Variants in TRDN observed in about 807,000 individuals in gnomAD.
TRDN encodes triadin, also known as triadin in skeletal muscle.
Under a neutral mutation model 149.7 loss-of-function variants are expected in TRDN, and 161 were observed. That is an observed-to-expected ratio of 1.08 (90% CI 0.95 to 1.23). The LOEUF is 1.23. Ranked by LOEUF, TRDN falls within the 50% of genes most tolerant of loss-of-function variation. TRDN has a pLI of 0.00. For missense variants in TRDN, 896 were observed against 823.5 expected (o/e 1.09, Z -1.08); for synonymous variants, 294 against 250.5 (o/e 1.17, Z -1.64).
intron 5 of TRDN, among the ~76,000 whole-genome samples, chr6:123,526,298 A>T (rs766808049): frequency 4.6e-5 from 7 of 152,004 alleles, no homozygotes; most frequent in Non-Finnish European, 8.8e-5. Context: ...CTAGGAACTG[A>T]TAGATATGTA....
chr6:123,579,168 C>T (rs1313677352), intron 1 of TRDN, among the ~76,000 whole-genome samples: 1 of 151,972 alleles, frequency 6.6e-6, no homozygotes, highest in Non-Finnish European at 1.5e-5. Flanking sequence ...ACAGGATTAC[C>T]AATACTATGT....
At chr6:123,488,573 G>A (rs1212355264) in intron 9 of TRDN, among the ~76,000 whole-genome samples, 2 of 152,010 alleles carry the variant, frequency 1.3e-5, no homozygotes, top group African/African-American at 4.8e-5. Flanking sequence ...CTATCTCTGT[G>A]ATAGCTCTAA....
intron 16 of TRDN, among the ~76,000 whole-genome samples, chr6:123,379,077 T>A (rs1781618831): frequency 6.6e-6 from 1 of 152,190 alleles, no homozygotes; most frequent in African/African-American, 2.4e-5. Context: ...TACCCACATT[T>A]TTATCTGATA....
Position 123,528,313 on chromosome 6 carries a change from G to A in TRDN, c.484+2193C>T, listed in dbSNP as rs147537395. ...TTCTTGATGGGTCAATTATATAGGTGTAGACTCCCAAGGCTCTCCCGATGA... is the reference window on the plus strand; with the variant it reads ...TTCTTGATGGGTCAATTATATAGGTATAGACTCCCAAGGCTCTCCCGATGA... On this transcript the variant is annotated intron_variant, in intron 5 of 40. Coordinates refer to ENST00000334268, the MANE Select transcript of TRDN (RefSeq NM_006073.4). Among the ~76,000 whole-genome samples the A allele has an allele frequency of 6.6e-4, 100 of 150,576 alleles. 1 individual carries two copies. The highest frequency in any genetic ancestry group is 3.9e-3 in the East Asian group (20 of 5,136).
At chr6:123,598,713 G>A (rs1322029206) in intron 1 of TRDN, among the ~76,000 whole-genome samples, 1 of 152,014 alleles carries the variant, frequency 6.6e-6, no homozygotes, top group Non-Finnish European at 1.5e-5. Context: ...TGGCAGAGTT[G>A]AGCAAGAGTG....
rs568062008 is a variant in TRDN, at chr6:123,585,014, C to T, written c.23-13882G>A. ...AAGTGATAACAGGCTTTAATCCTTT[C>T]AAAGCATGCTGTGGGATGGGATATT... On this transcript the variant is annotated intron_variant, in intron 1 of 40. Transcript: ENST00000334268. Among the ~76,000 whole-genome samples the T allele has an allele frequency of 7.3e-3, 1,113 of 151,676 alleles. 10 individuals are homozygous for T. Among genetic ancestry groups the T allele is most frequent in the African/African-American group, 0.025 (1,047 of 41,112 alleles).
chr6:123,255,771 G>A, intron 36 of TRDN, 96 bp downstream of exon 36: 6 of 780,980 alleles, frequency 7.7e-6, no homozygotes, highest in Non-Finnish European at 9.2e-6. Context: ...CATACATTTA[G>A]AAAAGTTTTT....
At chr6:123,464,502 C>G in intron 10 of TRDN, 1 of 996,158 alleles carries the variant, frequency 1.0e-6, no homozygotes, top group Non-Finnish European at 1.2e-6. Flanking sequence ...AAATAACTTT[C>G]CAAATTTACA....
At chr6:123,419,172 C>T (rs549376228) in intron 12 of TRDN, among the ~76,000 whole-genome samples, 22 of 151,922 alleles carry the variant, frequency 1.4e-4, no homozygotes, top group East Asian at 1.9e-4. Flanking sequence ...GGTGGATCCC[C>T]GCACTGTTAA....
chr6:123,350,185 T>C (rs937174691), intron 21 of TRDN: 3 of 970,384 alleles, frequency 3.1e-6, no homozygotes, highest in Non-Finnish European at 3.7e-6. Context: ...AAAATATTTT[T>C]GTCGTGTTTC....
chr6:123,256,552 G>T (rs1228183491), intron 35 of TRDN, among the ~76,000 whole-genome samples: 1 of 152,036 alleles, frequency 6.6e-6, no homozygotes, highest in Non-Finnish European at 1.5e-5. Context: ...TATCTCAGTG[G>T]TTTTGATTTG....
chr6:123,552,047 A>G (rs1169849252), intron 2 of TRDN, among the ~76,000 whole-genome samples: 3 of 152,160 alleles, frequency 2.0e-5, no homozygotes, highest in Non-Finnish European at 4.4e-5. Context: ...GTCCACGATG[A>G]CATTGCTAAG....
intron 8 of TRDN, chr6:123,501,868 A>G (rs1215371411): frequency 1.1e-6 from 1 of 951,474 alleles, no homozygotes; most frequent in Non-Finnish European, 1.3e-6. Flanking sequence ...CTGATTACTG[A>G]TAGAAATGAA....
intron 9 of TRDN, among the ~76,000 whole-genome samples, chr6:123,491,281 G>A (rs1160666502): frequency 1.3e-5 from 2 of 152,064 alleles, no homozygotes; most frequent in Non-Finnish European, 1.5e-5. Context: ...AACCAGAAGT[G>A]ATAATATATA....
chr6:123,377,959 A>G (rs1781573262), intron 16 of TRDN, 61 bp from the exon 17 acceptor site: 2 of 1,227,988 alleles, frequency 1.6e-6, no homozygotes, highest in Admixed American at 5.1e-5. Flanking sequence ...TATGAATCCC[A>G]ACTTAATTGT....
chr6:123,233,633 C>T, intron 38 of TRDN, among the ~76,000 whole-genome samples: 1 of 152,160 alleles, frequency 6.6e-6, no homozygotes, highest in Middle Eastern at 3.4e-3. Flanking sequence ...CAACCTTTCT[C>T]TGGAGTTTAG....
Position 123,571,036 on chromosome 6 carries a change from A to G in TRDN, c.119T>C (p.Ile40Thr), listed in dbSNP as rs760326107. The change falls in exon 2 of 41, where the codon ATA becomes ACA. Residue 40 changes from isoleucine to threonine, a missense_variant. Ile to Thr is a moderately conservative substitution (Grantham distance 89). Transcript: ENST00000334268. ...KVLKRTVTEDIVTTFSSPAAW... is the reference protein window; with the variant it reads ...KVLKRTVTEDTVTTFSSPAAW... ...TGCAGGGGAGCTGAACGTCGTCACT[A>G]TGTCTTCTGTGACTGTCCTCTTCAG... 7.4e-6 allele frequency: 12 copies of G among 1,613,964 alleles called. No individual in the cohort carries two copies. Among genetic ancestry groups the G allele is most frequent in the South Asian group, 2.2e-5 (2 of 91,076 alleles).
At chr6:123,296,389 A>G (rs1778198447) in intron 24 of TRDN, among the ~76,000 whole-genome samples, 1 of 152,162 alleles carries the variant, frequency 6.6e-6, no homozygotes, top group African/African-American at 2.4e-5. Context: ...CATATATTCA[A>G]TAAGAAGACC....
At chr6:123,247,383 T>C (rs1268432608) in intron 38 of TRDN, among the ~76,000 whole-genome samples, 2 of 152,208 alleles carry the variant, frequency 1.3e-5, no homozygotes, top group Non-Finnish European at 2.9e-5. Flanking sequence ...ATTTAGCTAA[T>C]AAGCAACTTC....
Sources: gnomAD v4.1 joint callset for allele counts (sites outside exome capture counted in the v4.1 genomes callset) on GRCh38, gnomAD v4.1.1 for gene constraint, MANE v1.5 for transcripts, NCBI Gene and HGNC (gene_info 2026-07-23, HGNC 2026-07-21) for gene names.